Variants in PDE12 observed in about 807,000 individuals in gnomAD.
PDE12 encodes the protein 2',5'-phosphodiesterase 12.
A neutral mutation model predicts 45.4 loss-of-function variants in PDE12; 26 were observed. The observed-to-expected ratio is 0.57, with a 90% CI of 0.42 to 0.79. The LOEUF (loss-of-function observed/expected upper bound fraction) is 0.79, where lower values mean the gene tolerates loss of function less well. Among genes scored for constraint, PDE12 ranks in the 30% least tolerant of loss-of-function variants. The probability of loss-of-function intolerance (pLI) is 0.00; values close to 1 mark genes in which losing one functional copy is unlikely to be tolerated. For synonymous variants in PDE12, 283 were observed against 323.9 expected, an observed-to-expected ratio of 0.87 and a Z score of 1.36; for missense variants, 668 against 790.0, an observed-to-expected ratio of 0.85 and a Z score of 1.85.
the PDE12 span, among the ~76,000 whole-genome samples, chr3:57,647,620 G>T: frequency 6.6e-6 from 1 of 152,168 alleles, no homozygotes; most frequent in Non-Finnish European, 1.5e-5. Flanking sequence ...AGTTGAGGAG[G>T]TTGTCACAAT....
the PDE12 span, among the ~76,000 whole-genome samples, chr3:57,604,709 C>G: frequency 6.7e-6 from 1 of 149,326 alleles, no homozygotes; most frequent in Non-Finnish European, 1.5e-5. Flanking sequence ...AGCTCTTGGG[C>G]TCAAGTGATC....
the PDE12 span, among the ~76,000 whole-genome samples, chr3:57,651,724 C>T: frequency 1.2e-4 from 18 of 151,654 alleles, no homozygotes; most frequent in African/African-American, 4.1e-4. Context: ...ATATCTCACA[C>T]CAGAAAGCAA....
At chr3:57,653,035 G>A in the PDE12 span, among the ~76,000 whole-genome samples, 9 of 152,256 alleles carry the variant, frequency 5.9e-5, 1 homozygote, top group East Asian at 3.9e-4. Context: ...TGATGGTTGC[G>A]TTGTATACTT....
chr3:57,587,174 C>A, the PDE12 span, among the ~76,000 whole-genome samples: 1 of 151,958 alleles, frequency 6.6e-6, no homozygotes, highest in Admixed American at 6.6e-5. Context: ...CAGAAACTAG[C>A]TGGATGTGGT....
At chr3:57,642,451 A>G in the PDE12 span, among the ~76,000 whole-genome samples, 1 of 151,938 alleles carries the variant, frequency 6.6e-6, no homozygotes, top group Non-Finnish European at 1.5e-5. Flanking sequence ...TGCCAAGTGG[A>G]TGAGAGAGGG....
chr3:57,638,554 GA>G, the PDE12 span, among the ~76,000 whole-genome samples: 1 of 151,834 alleles, frequency 6.6e-6, no homozygotes, highest in Non-Finnish European at 1.5e-5. Context: ...GCGACTCGGG[GA>G]GCTAAGGCAG....
chr3:57,560,139 G>T lies in PDE12; in HGVS notation c.*135G>T. 1 of 1,428,604 alleles carries T rather than the reference G, an allele frequency of 7.0e-7. No homozygotes were observed. The highest frequency in any genetic ancestry group is 2.5e-5 in the East Asian group (1 of 40,080). The allele number at this position is 1,428,604 out of a possible 1,614,324, so 88.5% of individuals were successfully genotyped here. A position where few individuals can be genotyped will look rare whatever the true frequency, so the allele number is the denominator to read the frequency against. On this transcript the variant is annotated 3_prime_UTR_variant, in exon 3 of 3. Coordinates refer to ENST00000311180, the MANE Select transcript of PDE12 (RefSeq NM_177966.7). ...CAGCCCTCCTAGTTATGTTCCTGATGTCTTCGTTATGAAACTGTTGATGTT... is the reference window on the plus strand; with the variant it reads ...CAGCCCTCCTAGTTATGTTCCTGATTTCTTCGTTATGAAACTGTTGATGTT...
chr3:57,627,526 G>C, the PDE12 span: 1 of 151,680 alleles, frequency 6.6e-6, no homozygotes, highest in South Asian at 2.1e-4. Context: ...TGGAGAAACT[G>C]GTAACATTAA....
chr3:57,613,887 C>T, the PDE12 span, among the ~76,000 whole-genome samples: 33 of 109,754 alleles, frequency 3.0e-4, no homozygotes, highest in African/African-American at 9.8e-4. Flanking sequence ...GATGACAGAG[C>T]GAGACTCCAT....
At chr3:57,558,826 C>T (rs1387802465) in intron 1 of PDE12, among the ~76,000 whole-genome samples, 3 of 136,676 alleles carry the variant, frequency 2.2e-5, no homozygotes, top group African/African-American at 9.5e-5. Context: ...TACACTGAAC[C>T]TAGTCATGTA....
At chr3:57,647,354 A>G in the PDE12 span, among the ~76,000 whole-genome samples, 6 of 152,174 alleles carry the variant, frequency 3.9e-5, no homozygotes, top group Admixed American at 3.3e-4. Flanking sequence ...TTCCCTTCCT[A>G]AACAACTCAG....
the PDE12 span, among the ~76,000 whole-genome samples, chr3:57,620,190 C>A: frequency 6.6e-6 from 1 of 152,226 alleles, no homozygotes; most frequent in South Asian, 2.1e-4. Context: ...CCACTGCACT[C>A]CAGCCTGGGT....
At position 57,557,564 on chromosome 3, in the gene PDE12, C is replaced by G; in HGVS notation, c.1185C>G (p.Ser395Arg). ...GAAAGTCTAAGTTCAGCCTTCTTAG[C>G]CAGCATGACATTTCATTCTACGAAG... ...FYRKSKFSLL[S>R]QHDISFYEAL... is the part of the protein sequence containing the mutation. Residue 395 changes from serine to arginine, a missense_variant, in exon 1 of 3, where the codon AGC becomes AGG. This residue lies in a region of PDE12 where 580 missense variants were observed against 662.9 expected (regional missense o/e 0.87). Coordinates refer to ENST00000311180, the MANE Select transcript of PDE12 (RefSeq NM_177966.7). The G allele has an allele frequency of 6.2e-7, 1 of 1,614,102 alleles. No individual in the cohort carries two copies. Among genetic ancestry groups the G allele is most frequent in the Non-Finnish European group, 8.5e-7 (1 of 1,180,044 alleles).
the PDE12 span, among the ~76,000 whole-genome samples, chr3:57,610,578 T>C: frequency 6.6e-6 from 1 of 152,034 alleles, no homozygotes; most frequent in Non-Finnish European, 1.5e-5. Context: ...ACAAACATTC[T>C]TATACACCAA....
chr3:57,656,309 A>G, the PDE12 span, among the ~76,000 whole-genome samples: 3 of 152,188 alleles, frequency 2.0e-5, no homozygotes, highest in East Asian at 5.8e-4. Flanking sequence ...TTCACTTAGC[A>G]TAATGCTTTT....
At chr3:57,559,536 TA>T in intron 2 of PDE12, 25 bp from the exon 3 acceptor site, 6 of 1,573,864 alleles carry the variant, frequency 3.8e-6, no homozygotes, top group Non-Finnish European at 5.2e-6. Context: ...AAAAAATACT[TA>T]CATTAATGTT....
the PDE12 span, among the ~76,000 whole-genome samples, chr3:57,652,779 G>A: frequency 1.3e-5 from 2 of 152,136 alleles, no homozygotes; most frequent in East Asian, 1.9e-4. Context: ...AATCTAATCA[G>A]GAGTAAATAC....
At chr3:57,649,922 TAC>T in the PDE12 span, among the ~76,000 whole-genome samples, 61,566 of 148,268 alleles carry the variant, frequency 0.42, 13,118 homozygotes, top group South Asian at 0.55. Context: ...TGTATATATA[TAC>T]ACACACACAC....
At chr3:57,602,453 T>C in the PDE12 span, among the ~76,000 whole-genome samples, 1 of 152,154 alleles carries the variant, frequency 6.6e-6, no homozygotes, top group Non-Finnish European at 1.5e-5. Flanking sequence ...CAGAAGGGGA[T>C]TGGTATGTGA....
Sources: allele counts gnomAD v4.1 joint callset (sites outside exome capture counted in the v4.1 genomes callset), GRCh38; gene constraint gnomAD v4.1.1; regional missense constraint gnomAD v4.1.1; transcripts MANE v1.5; gene names NCBI Gene and HGNC (gene_info 2026-07-23, HGNC 2026-07-21).